RPL31: variants seen among roughly 807,000 people sequenced by gnomAD.
The protein encoded by RPL31 is ribosomal protein L31, also known as large ribosomal subunit protein eL31.
For missense variants in RPL31, 95 were observed against 164.0 expected (o/e 0.58, Z 2.30); for synonymous variants, 51 against 55.0 (o/e 0.93, Z 0.32).
downstream of RPL31, among the ~76,000 whole-genome samples, chr2:101,009,275 G>A (rs1179695205): frequency 1.3e-5 from 2 of 151,820 alleles, no homozygotes; most frequent in Admixed American, 6.6e-5. Context: ...GCTTGGTGGC[G>A]GGCGCCTGTA....
chr2:101,012,773 C>T (rs1003909096), intron 4 of RPL31, among the ~76,000 whole-genome samples: 3 of 152,148 alleles, frequency 2.0e-5, no homozygotes, highest in Non-Finnish European at 4.4e-5. Context: ...GGAACTTATT[C>T]GTAAACCATT....
downstream of RPL31, among the ~76,000 whole-genome samples, chr2:101,009,691 C>T (rs1206273483): frequency 6.6e-6 from 1 of 151,678 alleles, no homozygotes; most frequent in East Asian, 1.9e-4. Context: ...AAACATGCTA[C>T]GAAACACTAA....
chr2:101,017,758 A>C, intron 4 of RPL31: 1 of 1,316,080 alleles, frequency 7.6e-7, no homozygotes, highest in Non-Finnish European at 1.1e-6. Context: ...AGTGACAAAA[A>C]GGATAAGATG....
intron 4 of RPL31, among the ~76,000 whole-genome samples, chr2:101,018,589 T>C (rs902406551): frequency 1.3e-5 from 2 of 152,228 alleles, no homozygotes; most frequent in Non-Finnish European, 2.9e-5. Flanking sequence ...CATCCTTTAA[T>C]GTGGATTCAG....
intron 4 of RPL31, among the ~76,000 whole-genome samples, chr2:101,017,488 T>C (rs76287561): frequency 0.023 from 3,435 of 152,308 alleles, 128 homozygotes; most frequent in African/African-American, 0.079. Flanking sequence ...ATGGCTAAGA[T>C]AGGAATTTTT....
At chr2:101,004,392 T>C (rs1165574526) in intron 3 of RPL31, 109 bp downstream of exon 3, 1 of 1,168,974 alleles carries the variant, frequency 8.6e-7, no homozygotes, top group Non-Finnish European at 1.2e-6. Context: ...CATGTGGAAG[T>C]ATAAAAAAAA....
chr2:101,009,595 A>G (rs1679036123), downstream of RPL31, among the ~76,000 whole-genome samples: 1 of 152,066 alleles, frequency 6.6e-6, no homozygotes, highest in Admixed American at 6.5e-5. Flanking sequence ...TGAGTGATGA[A>G]GTTTAACTCA....
exon 5 of RPL31, chr2:101,019,338 G>A (rs182328187): frequency 6.5e-4 from 168 of 259,072 alleles, no homozygotes; most frequent in African/African-American, 2.6e-3. Flanking sequence ...CTTTCATTTC[G>A]TAACTAGTAT....
At position 101,006,332 on chromosome 2, in the gene RPL31, C is replaced by CTG. The variant is rs1558959316; in HGVS notation, c.347-16_347-15dup. ...AATGTGATGTGGGTATGGAAATTGA[C>CTG]TGTTACTTCCTTTACAGATCTACAG... is the stretch of plus-strand genomic sequence containing the variant. On this transcript the variant is annotated splice_polypyrimidine_tract_variant and intron_variant, in intron 4 of 4. Transcript: ENST00000264258. 6.2e-7 allele frequency: 1 copy of CTG among 1,607,180 alleles called. No homozygotes were observed. Among genetic ancestry groups the CTG allele is most frequent in the East Asian group, 2.2e-5 (1 of 44,792 alleles).
chr2:101,017,467 T>C (rs1303429369), intron 4 of RPL31, among the ~76,000 whole-genome samples: 1 of 152,240 alleles, frequency 6.6e-6, no homozygotes, highest in Non-Finnish European at 1.5e-5. Flanking sequence ...TGTTTTGCTA[T>C]GGTGTTTACA....
downstream of RPL31, chr2:101,011,269 G>C (rs1024676322): frequency 1.1e-5 from 8 of 717,534 alleles, no homozygotes; most frequent in Admixed American, 1.1e-4. Context: ...GCAAGGGGCA[G>C]CCACCCAGCA....
chr2:101,018,412 T>C (rs983075291), intron 4 of RPL31: 1 of 157,390 alleles, frequency 6.4e-6, no homozygotes, highest in African/African-American at 2.4e-5. Context: ...ATTGGAATTA[T>C]TCAAAAGGTT....
downstream of RPL31, among the ~76,000 whole-genome samples, chr2:101,010,641 T>C (rs920877137): frequency 1.3e-5 from 2 of 151,960 alleles, no homozygotes; most frequent in African/African-American, 2.4e-5. Context: ...TCCCAGCACT[T>C]TAGGAGGCTG....
chr2:101,009,009 T>C (rs1678967838), downstream of RPL31, among the ~76,000 whole-genome samples: 2 of 152,200 alleles, frequency 1.3e-5, no homozygotes, highest in Non-Finnish European at 2.9e-5. Flanking sequence ...CAGTGTAATC[T>C]GAGACACTGC....
At chr2:101,005,728 A>T in intron 3 of RPL31, 1 of 547,966 alleles carries the variant, frequency 1.8e-6, no homozygotes, top group Non-Finnish European at 3.2e-6. Context: ...GTTGGGTATC[A>T]ATGGTGGCTA....
chr2:101,007,909 A>G, downstream of RPL31: 1 of 1,614,014 alleles, frequency 6.2e-7, no homozygotes, highest in Non-Finnish European at 8.5e-7. Flanking sequence ...GGCATTTTCA[A>G]GTTTGGATTT....
downstream of RPL31, chr2:101,011,178 C>A: frequency 1.3e-6 from 1 of 768,414 alleles, no homozygotes; most frequent in Non-Finnish European, 2.1e-6. Flanking sequence ...CCCTGGAGAG[C>A]CAGTGGGTGG....
downstream of RPL31, among the ~76,000 whole-genome samples, chr2:101,011,862 G>A (rs4850956): frequency 0.49 from 74,884 of 152,048 alleles, 18,814 homozygotes; most frequent in Middle Eastern, 0.68. Context: ...TTGTAAAACT[G>A]AAATATATCC....
intron 4 of RPL31, chr2:101,018,034 C>G: frequency 8.7e-7 from 1 of 1,149,664 alleles, no homozygotes; most frequent in Non-Finnish European, 1.2e-6. Flanking sequence ...TACATATCAA[C>G]CCCTTTTTCA....
Sources: allele counts gnomAD v4.1 joint callset (sites outside exome capture counted in the v4.1 genomes callset), GRCh38; gene constraint gnomAD v4.1.1; transcripts MANE v1.5; gene names NCBI Gene and HGNC (gene_info 2026-07-23, HGNC 2026-07-21).